TBC1D9: variants seen among roughly 807,000 people sequenced by gnomAD.
TBC1D9 encodes TBC1 domain family member 9.
A neutral mutation model predicts 132.0 loss-of-function variants in TBC1D9; 63 were observed. The ratio of observed to expected loss-of-function variants is 0.48; its 90% confidence interval spans 0.39 to 0.59. The LOEUF is 0.59. Ranked by LOEUF, TBC1D9 falls within the 20% of genes least tolerant of loss-of-function variation. The probability of loss-of-function intolerance (pLI) is 0.00; values close to 1 mark genes in which losing one functional copy is unlikely to be tolerated. For synonymous variants in TBC1D9, 610 were observed against 609.9 expected, an observed-to-expected ratio of 1.00 and a Z score of 0.00; for missense variants, 1,261 against 1,592.7, an observed-to-expected ratio of 0.79 and a Z score of 3.54.
rs766315463 is a variant in TBC1D9 at position 140,670,833 on chromosome 4, A to C, written c.1153T>G (p.Leu385Val). ...TGCACTAGAAAGTCTCTATCTTTCA[A>C]GTTGGCAAATAGGAAGGTCATCCTG... ...RNRMTFLFAN[L>V]KDRDFLVQRI... The change falls in exon 7 of 21, where the codon TTG (leucine) becomes GTG (valine). Residue 385 changes from leucine (L) to valine (V), a missense_variant. Leu to Val is a conservative substitution (Grantham distance 32). Transcript: ENST00000442267. 6.2e-7 allele frequency: 1 copy of C among 1,614,048 alleles called. No individual in the cohort carries two copies. The highest frequency in any genetic ancestry group is 8.5e-7 in the Non-Finnish European group (1 of 1,179,906).
intron 1 of TBC1D9, among the ~76,000 whole-genome samples, chr4:140,733,484 T>C (rs75604013): frequency 0.029 from 4,475 of 152,264 alleles, 95 homozygotes; most frequent in Middle Eastern, 0.058. Context: ...TAGACCTCCA[T>C]TTTCCCTATT....
At chr4:140,654,109 GC>G (rs1737229104) in intron 13 of TBC1D9, among the ~76,000 whole-genome samples, 1 of 152,254 alleles carries the variant, frequency 6.6e-6, no homozygotes, top group Non-Finnish European at 1.5e-5. Flanking sequence ...TCTTAGCAAA[GC>G]AATTTTACTT....
At position 140,701,510 on chromosome 4, in the gene TBC1D9, C is replaced by T. The variant is rs868074325; in HGVS notation, c.235G>A (p.Ala79Thr). Residue 79 changes from alanine (A) to threonine (T), a missense_variant, in exon 2 of 21, where the codon GCC becomes ACC. Coordinates refer to ENST00000442267, the MANE Select transcript of TBC1D9 (RefSeq NM_015130.3). The stretch of plus-strand genomic sequence containing the variant: ...TCTGGATGTGGTTGCTTACCACAGG[C>T]GATGGTCCAGTAGACCAGGGAGTCT... ...TPDSLVYWTI[A>T]CGGSRKEITE... The T allele has an allele frequency of 2.5e-6, 4 of 1,613,246 alleles. No homozygotes were observed. Among genetic ancestry groups the T allele is most frequent in the Non-Finnish European group, 1.7e-6 (2 of 1,179,328 alleles).
intron 2 of TBC1D9, among the ~76,000 whole-genome samples, chr4:140,693,051 CA>C (rs200509731): frequency 2.6e-5 from 4 of 151,732 alleles, no homozygotes; most frequent in African/African-American, 7.3e-5. Context: ...CAAAAAACAA[CA>C]AAAAAACTGT....
chr4:140,728,111 T>C (rs1738528146), intron 1 of TBC1D9, among the ~76,000 whole-genome samples: 1 of 152,230 alleles, frequency 6.6e-6, no homozygotes, highest in Non-Finnish European at 1.5e-5. Flanking sequence ...AGAAGTAGTA[T>C]AGGGAGTCAT....
At chr4:140,716,748 A>G (rs1738339722) in intron 1 of TBC1D9, among the ~76,000 whole-genome samples, 1 of 152,096 alleles carries the variant, frequency 6.6e-6, no homozygotes, top group Non-Finnish European at 1.5e-5. Context: ...ATTATTGATT[A>G]GTGAATGGGG....
At chr4:140,634,261 G>A (rs1736843087) in intron 15 of TBC1D9, 73 bp from the exon 16 acceptor site, 1 of 1,563,086 alleles carries the variant, frequency 6.4e-7, no homozygotes, top group East Asian at 2.2e-5. Flanking sequence ...CCATCCTCCA[G>A]TTTGGAAAGG....
chr4:140,700,969 A>G (rs1317730513), intron 2 of TBC1D9: 2 of 153,220 alleles, frequency 1.3e-5, no homozygotes, highest in African/African-American at 2.4e-5. Context: ...CTACTATTTT[A>G]AGCACAGCAC....
chr4:140,698,275 C>T (rs962065504), intron 2 of TBC1D9, among the ~76,000 whole-genome samples: 3 of 152,086 alleles, frequency 2.0e-5, no homozygotes, highest in Non-Finnish European at 4.4e-5. Context: ...GTCAGAGTCC[C>T]AGCTTCCTCT....
chr4:140,670,696 T>C, intron 7 of TBC1D9, 24 bp downstream of exon 7: 1 of 1,605,254 alleles, frequency 6.2e-7, no homozygotes, highest in Non-Finnish European at 8.5e-7. Flanking sequence ...AAACCAAAAA[T>C]ACTTTCAGGT....
intron 1 of TBC1D9, among the ~76,000 whole-genome samples, chr4:140,737,960 C>T (rs148949376): frequency 3.9e-4 from 60 of 152,292 alleles, no homozygotes; most frequent in African/African-American, 1.3e-3. Flanking sequence ...CCTGAAATTG[C>T]TACCAGTTTC....
intron 2 of TBC1D9, among the ~76,000 whole-genome samples, chr4:140,697,263 T>G (rs1320072194): frequency 6.6e-6 from 1 of 151,986 alleles, no homozygotes; most frequent in Non-Finnish European, 1.5e-5. Flanking sequence ...GTGCCTGTAG[T>G]CCCAGCTACC....
At chr4:140,709,539 T>A (rs537731409) in intron 1 of TBC1D9, among the ~76,000 whole-genome samples, 2 of 152,092 alleles carry the variant, frequency 1.3e-5, no homozygotes, top group Admixed American at 1.3e-4. Context: ...AAGCTTCCAA[T>A]TTTTTGATTA....
chr4:140,624,988 G>A (rs1736682635), intron 18 of TBC1D9, among the ~76,000 whole-genome samples: 4 of 152,050 alleles, frequency 2.6e-5, no homozygotes, highest in Admixed American at 2.6e-4. Flanking sequence ...GGAGGCAGAG[G>A]TTGCAGTGGG....
intron 9 of TBC1D9, 38 bp downstream of exon 9, chr4:140,668,879 A>G: frequency 6.2e-7 from 1 of 1,608,818 alleles, no homozygotes; most frequent in Non-Finnish European, 8.5e-7. Context: ...GGAGTCCCAC[A>G]GACTTTGACG....
chr4:140,668,850 C>T, intron 9 of TBC1D9, 67 bp downstream of exon 9: 1 of 1,562,700 alleles, frequency 6.4e-7, no homozygotes, highest in East Asian at 2.2e-5. Context: ...TGACTGAAGG[C>T]ACAGGGAGGC....
intron 2 of TBC1D9, among the ~76,000 whole-genome samples, chr4:140,687,139 TTATAG>T (rs1737792254): frequency 6.6e-6 from 1 of 151,430 alleles, no homozygotes; most frequent in South Asian, 2.1e-4. Flanking sequence ...ACAATCAGCT[TTATAG>T]TATATGTAAT....
At chr4:140,677,173 T>C in intron 5 of TBC1D9, 72 bp from the exon 6 acceptor site, 2 of 1,563,078 alleles carry the variant, frequency 1.3e-6, no homozygotes, top group East Asian at 2.2e-5. Context: ...GCAGCGGAAG[T>C]TCCCCCAGCC....
chr4:140,736,718 A>G (rs1375894488), intron 1 of TBC1D9, among the ~76,000 whole-genome samples: 1 of 152,134 alleles, frequency 6.6e-6, no homozygotes, highest in Admixed American at 6.5e-5. Context: ...GCCTCCTGAC[A>G]GTTAAGTAGA....
Sources: allele counts gnomAD v4.1 joint callset (sites outside exome capture counted in the v4.1 genomes callset), GRCh38; gene constraint gnomAD v4.1.1; transcripts MANE v1.5; gene names NCBI Gene and HGNC (gene_info 2026-07-23, HGNC 2026-07-21).